Variants in TRAF3IP2 observed in about 807,000 individuals in gnomAD.
TRAF3IP2 encodes E3 ubiquitin ligase TRAF3IP2.
In TRAF3IP2, 35 loss-of-function variants were observed where a neutral mutation model predicts 57.9. The ratio of observed to expected loss-of-function variants is 0.60; its 90% confidence interval spans 0.46 to 0.80. TRAF3IP2 has a LOEUF of 0.80. Ranked by LOEUF, TRAF3IP2 falls within the 30% of genes least tolerant of loss-of-function variation. The pLI, the probability that TRAF3IP2 is intolerant of heterozygous loss-of-function variation, is 0.00. For missense variants in TRAF3IP2, 556 were observed against 706.4 expected, an observed-to-expected ratio of 0.79 and a Z score of 2.41; for synonymous variants, 251 against 268.9, an observed-to-expected ratio of 0.93 and a Z score of 0.65.
chr6:111,575,660 T>C lies in TRAF3IP2; in HGVS notation c.1184A>G (p.Asn395Ser), dbSNP rs139767840. The part of the protein sequence containing the change: ...PPARGTLKTS[N>S]LPEELRKVFI... Reference sequence around the variant, plus strand: ...CAACTTACGCAATTCTTCTGGCAAATTGCTTGTTTTTAGAGTTCCTCTGGC... The same window carrying C: ...CAACTTACGCAATTCTTCTGGCAAACTGCTTGTTTTTAGAGTTCCTCTGGC... Residue 395 changes from asparagine to serine, a missense_variant, in exon 4 of 9, where the codon AAT (asparagine) becomes AGT (serine). By Grantham distance (46) the Asn-to-Ser change is conservative. Transcript: ENST00000368761. The C allele has an allele frequency of 2.7e-3, 4,340 of 1,611,662 alleles. 14 individuals carry two copies. The highest frequency in any genetic ancestry group is 4.0e-3 in the Middle Eastern group (22 of 5,518).
At chr6:111,584,716 CT>C (rs1796276992) in intron 2 of TRAF3IP2, among the ~76,000 whole-genome samples, 3 of 148,608 alleles carry the variant, frequency 2.0e-5, no homozygotes, top group Non-Finnish European at 4.5e-5. Context: ...CATCATTTCA[CT>C]GCTAAAGTTT....
chr6:111,576,912 GT>G (rs1449259774), intron 3 of TRAF3IP2: 1 of 152,088 alleles, frequency 6.6e-6, no homozygotes, highest in Non-Finnish European at 1.5e-5. Context: ...TATATGCCCA[GT>G]TTTTGTAGAT....
chr6:111,570,417 ACT>A (rs1795792536), intron 5 of TRAF3IP2, among the ~76,000 whole-genome samples: 2 of 152,134 alleles, frequency 1.3e-5, no homozygotes, highest in Admixed American at 1.3e-4. Flanking sequence ...ATAAAATTGG[ACT>A]CTCTAAAACC....
At chr6:111,573,055 T>TAATTTA in intron 4 of TRAF3IP2, 72 bp from the exon 5 acceptor site, 1 of 1,195,556 alleles carries the variant, frequency 8.4e-7, no homozygotes, top group Non-Finnish European at 1.2e-6. Context: ...CTAAATTATA[T>TAATTTA]GCAATATCTT....
At chr6:111,567,159 A>G in intron 6 of TRAF3IP2, 1 of 1,000,200 alleles carries the variant, frequency 1.0e-6, no homozygotes. Flanking sequence ...AACGTGTCCC[A>G]GTGGCCGGTA....
chr6:111,601,461 G>T, intron 1 of TRAF3IP2: 1 of 401,802 alleles, frequency 2.5e-6, no homozygotes, highest in Admixed American at 4.0e-5. Context: ...CTATCTTCCA[G>T]GGGACAACTC....
At chr6:111,580,486 C>A in intron 2 of TRAF3IP2, 97 bp from the exon 3 acceptor site, 1 of 1,135,522 alleles carries the variant, frequency 8.8e-7, no homozygotes, top group East Asian at 2.6e-5. Context: ...GTCTTGATCC[C>A]AGCTGAGGGG....
chr6:111,584,655 A>G (rs1275107591), intron 2 of TRAF3IP2, among the ~76,000 whole-genome samples: 2 of 151,938 alleles, frequency 1.3e-5, no homozygotes, highest in Non-Finnish European at 2.9e-5. Context: ...AAAAAAAAAA[A>G]AGAAACAAGA....
chr6:111,588,002 T>C (rs994684654), intron 2 of TRAF3IP2, among the ~76,000 whole-genome samples: 3 of 152,214 alleles, frequency 2.0e-5, no homozygotes, highest in African/African-American at 7.2e-5. Flanking sequence ...TATAAAACTG[T>C]GATAGTGAAA....
In TRAF3IP2 at chr6:111,557,772, C is replaced by G. The variant is rs1248843576; in HGVS notation, c.*1633G>C. On this transcript the variant is annotated 3_prime_UTR_variant, in exon 9 of 9. Coordinates refer to ENST00000368761, the MANE Select transcript of TRAF3IP2 (RefSeq NM_147686.4). Reference sequence around the variant, plus strand: ...GGGTGTGGTGGCTCACACCTGTAATCCCAGCACTTTGGGAGGCCGAGGTGG... The same window carrying G: ...GGGTGTGGTGGCTCACACCTGTAATGCCAGCACTTTGGGAGGCCGAGGTGG... 4 of 151,688 alleles carry G rather than the reference C, an allele frequency of 2.6e-5. No individual in the cohort carries two copies. The highest frequency in any genetic ancestry group is 1.3e-4 in the Admixed American group (2 of 15,240). The allele number at this position is 151,688 out of a possible 1,614,324, so 9.4% of individuals were successfully genotyped here.
chr6:111,559,234 G>A lies in TRAF3IP2; in HGVS notation c.*171C>T. 1.2e-6 allele frequency: 1 copy of A among 816,158 alleles called. No homozygotes were observed. Among genetic ancestry groups the A allele is most frequent in the South Asian group, 2.1e-5 (1 of 47,630 alleles). 50.6% of individuals were successfully genotyped at this position (816,158 alleles called of 1,614,324 possible). A position where few individuals can be genotyped will look rare whatever the true frequency, so the allele number is the denominator to read the frequency against. On this transcript the variant is annotated 3_prime_UTR_variant, in exon 9 of 9. Coordinates refer to ENST00000368761, the MANE Select transcript of TRAF3IP2 (RefSeq NM_147686.4). Reference sequence around the variant, plus strand: ...CTCCACTTCAAAGCCAGGGTGTGTGGAGGTCTCCGGGGAAGAGCTCTGCAC... The same window carrying A: ...CTCCACTTCAAAGCCAGGGTGTGTGAAGGTCTCCGGGGAAGAGCTCTGCAC...
chr6:111,590,558 A>T (rs1052947442), intron 2 of TRAF3IP2, among the ~76,000 whole-genome samples: 4 of 152,198 alleles, frequency 2.6e-5, no homozygotes, highest in African/African-American at 7.2e-5. Flanking sequence ...CAGTTTTTTT[A>T]AAAGGTGTAT....
In TRAF3IP2 at chr6:111,556,061, C is replaced by A. The variant is rs926038729; in HGVS notation, c.*3344G>T. On this transcript the variant is annotated 3_prime_UTR_variant, in exon 9 of 9. Transcript: ENST00000368761. ...GAGGTTGCAGTGAGCTGTGATTGCA[C>A]CACTGCACTCTAGCCTGGGTGACAG... Among the ~76,000 whole-genome samples, 2 of 151,000 alleles carry A rather than the reference C, an allele frequency of 1.3e-5. No individual in the cohort carries two copies. Among genetic ancestry groups the A allele is most frequent in the East Asian group, 3.9e-4 (2 of 5,140 alleles).
intron 2 of TRAF3IP2, among the ~76,000 whole-genome samples, chr6:111,582,668 T>C (rs1367435276): frequency 6.6e-6 from 1 of 152,174 alleles, no homozygotes; most frequent in Non-Finnish European, 1.5e-5. Flanking sequence ...ATGCCACTGC[T>C]ATCAGGTCCC....
rs538355779 is a variant in TRAF3IP2, at chr6:111,556,085, A to G, written c.*3320T>C. 3.9e-4 allele frequency among the ~76,000 whole-genome samples: 56 copies of G among 145,224 alleles called. No homozygotes were observed. Among genetic ancestry groups the G allele is most frequent in the Middle Eastern group, 7.0e-3 (2 of 286 alleles). On this transcript the variant is annotated 3_prime_UTR_variant, in exon 9 of 9. Coordinates refer to ENST00000368761, the MANE Select transcript of TRAF3IP2 (RefSeq NM_147686.4). ...ACCACTGCACTCTAGCCTGGGTGAC[A>G]GAGCGAGACTACGTCTCAAAAAAAA...
chr6:111,590,609 CAA>C (rs1411537278), intron 2 of TRAF3IP2, among the ~76,000 whole-genome samples: 2 of 151,938 alleles, frequency 1.3e-5, no homozygotes, highest in Non-Finnish European at 2.9e-5. Flanking sequence ...AGAACATCCC[CAA>C]GAGAGAGAAG....
chr6:111,595,703 C>A (rs570790801), intron 1 of TRAF3IP2, among the ~76,000 whole-genome samples: 6 of 152,066 alleles, frequency 3.9e-5, no homozygotes, highest in African/African-American at 1.4e-4. Context: ...TGGCAGGCAC[C>A]TGTAATCCCA....
At chr6:111,596,701 G>A (rs754208666) in intron 1 of TRAF3IP2, among the ~76,000 whole-genome samples, 13 of 152,162 alleles carry the variant, frequency 8.5e-5, no homozygotes, top group South Asian at 8.3e-4. Context: ...TGATCCGCCC[G>A]CTTCGGCCTC....
Position 111,591,472 on chromosome 6 carries a change from A to G in TRAF3IP2, c.615T>C (p.Asp205=). ...TTTCCAGCTGCCTGATGCCCAGGAC[A>G]TCCTGGGGCTGGGAATCATATCCCG... ...IDTGYDSQPQ[D]VLGIRQLERP... is the part of the protein sequence containing the mutation. The change falls in exon 2 of 9, where the codon GAT becomes GAC. Residue 205 remains aspartate, a synonymous_variant. Transcript: ENST00000368761. The surrounding 1 kb of genome is among the most constrained non-coding windows in gnomAD (Gnocchi z 4.9). The G allele has an allele frequency of 1.2e-6, 2 of 1,602,080 alleles. No homozygotes were observed. The highest frequency in any genetic ancestry group is 1.1e-5 in the South Asian group (1 of 90,108).
Sources: allele counts gnomAD v4.1 joint callset (sites outside exome capture counted in the v4.1 genomes callset), GRCh38; gene constraint gnomAD v4.1.1; non-coding constraint Gnocchi (gnomAD v3.1); transcripts MANE v1.5; gene names NCBI Gene and HGNC (gene_info 2026-07-23, HGNC 2026-07-21).